Variants in PCGF6 observed in about 807,000 individuals in gnomAD.
The protein encoded by PCGF6 is polycomb group ring finger 6.
PCGF6 carries 24 observed loss-of-function variants against 45.5 expected under a neutral mutation model. The observed-to-expected ratio is 0.53, with a 90% CI of 0.38 to 0.74. The LOEUF (loss-of-function observed/expected upper bound fraction) is 0.74. Among genes scored for constraint, PCGF6 ranks in the 30% least tolerant of loss-of-function variants. The pLI, the probability that PCGF6 is intolerant of heterozygous loss-of-function variation, is 0.00. For synonymous variants in PCGF6, 152 were observed against 162.1 expected (o/e 0.94, Z 0.47); for missense variants, 356 against 443.2 (o/e 0.80, Z 1.77).
At chr10:103,314,410 AAG>A (rs1183106445) in intron 8 of PCGF6, 138 bp from the exon 9 acceptor site, 47 of 524,120 alleles carry the variant, frequency 9.0e-5, no homozygotes, top group African/African-American at 7.1e-4. Context: ...CGCTCTTGAA[AAG>A]AGAGTTTTAG....
chr10:103,339,386 T>C (rs868336037), intron 6 of PCGF6, among the ~76,000 whole-genome samples: 1 of 151,264 alleles, frequency 6.6e-6, no homozygotes, highest in South Asian at 2.1e-4. Flanking sequence ...CAAGACCCTG[T>C]CTCAAGGAGG....
intron 8 of PCGF6, among the ~76,000 whole-genome samples, chr10:103,315,985 T>G (rs1175645535): frequency 8.1e-5 from 9 of 111,118 alleles, no homozygotes; most frequent in Non-Finnish European, 1.5e-4. Flanking sequence ...TGTGTGTGTG[T>G]GTGTGTGTGT....
At chr10:103,330,416 A>C (rs2093235762) in intron 7 of PCGF6, among the ~76,000 whole-genome samples, 1 of 152,148 alleles carries the variant, frequency 6.6e-6, no homozygotes, top group African/African-American at 2.4e-5. Flanking sequence ...TATATCCCCA[A>C]AATGTTTACA....
chr10:103,324,599 A>T lies in PCGF6; in HGVS notation c.909+1935T>A, dbSNP rs192085460. ...ACATGGTGAAACCCCGTCTCTACTA[A>T]AAATACAAAAATTAGCCAGGTGTGG... On this transcript the variant is annotated intron_variant, in intron 8 of 9. Transcript: ENST00000369847. Among the ~76,000 whole-genome samples, 21 of 151,496 alleles carry T rather than the reference A, an allele frequency of 1.4e-4. No individual in the cohort carries two copies. In the East Asian group the frequency reaches 3.3e-3, roughly 24 times the overall value.
At chr10:103,336,066 G>C (rs2093256071) in intron 6 of PCGF6, among the ~76,000 whole-genome samples, 1 of 149,752 alleles carries the variant, frequency 6.7e-6, no homozygotes, top group Non-Finnish European at 1.5e-5. Flanking sequence ...AGGAGCTCGA[G>C]ACCAGCCTGG....
chr10:103,337,916 T>C (rs2093263364), intron 6 of PCGF6, among the ~76,000 whole-genome samples: 1 of 108,238 alleles, frequency 9.2e-6, no homozygotes, highest in African/African-American at 3.4e-5. Flanking sequence ...TACAAAAAAT[T>C]AGCCGGGCGT....
intron 6 of PCGF6, among the ~76,000 whole-genome samples, chr10:103,338,883 A>AG (rs2093268362): frequency 6.6e-6 from 1 of 152,078 alleles, no homozygotes; most frequent in African/African-American, 2.4e-5. Context: ...GAAAAAAAAA[A>AG]TGCATACCCA....
chr10:103,339,784 C>T (rs535689170), intron 6 of PCGF6, among the ~76,000 whole-genome samples: 8 of 122,388 alleles, frequency 6.5e-5, no homozygotes, highest in South Asian at 5.6e-4. Context: ...GGAACAAAAG[C>T]GAAATTCTGT....
At position 103,320,086 on chromosome 10, in the gene PCGF6, A is replaced by G. The variant is rs548756180; in HGVS notation, c.910-5814T>C. ...CTCCCAAAATGCTGAGATTACAGGT[A>G]TGAGCCACCATGCCTGGCCAGCCTA... On this transcript the variant is annotated intron_variant, in intron 8 of 9. Coordinates refer to ENST00000369847, the MANE Select transcript of PCGF6 (RefSeq NM_001011663.2). 1.0e-3 allele frequency among the ~76,000 whole-genome samples: 154 copies of G among 152,236 alleles called. 1 individual carries two copies. The South Asian group carries it at 0.023, about 23-fold the overall frequency.
chr10:103,340,962 G>A (rs1349791672), intron 6 of PCGF6, among the ~76,000 whole-genome samples: 6 of 152,142 alleles, frequency 3.9e-5, no homozygotes, highest in Non-Finnish European at 8.8e-5. Flanking sequence ...AGGCGCGGTG[G>A]CTCACGCCTG....
chr10:103,304,897 T>C (rs188669231), intron 9 of PCGF6, among the ~76,000 whole-genome samples: 31 of 152,218 alleles, frequency 2.0e-4, no homozygotes, highest in Non-Finnish European at 1.3e-4. Flanking sequence ...TGTCTCAGAC[T>C]CCCAAAGTGC....
chr10:103,308,578 A>C (rs2133553513), intron 9 of PCGF6, among the ~76,000 whole-genome samples: 1 of 151,900 alleles, frequency 6.6e-6, no homozygotes, highest in African/African-American at 2.4e-5. Context: ...TTGAGCTTTA[A>C]GATTTAATGA....
At chr10:103,317,192 G>A (rs1451036861) in intron 8 of PCGF6, among the ~76,000 whole-genome samples, 4 of 151,930 alleles carry the variant, frequency 2.6e-5, no homozygotes, top group African/African-American at 7.3e-5. Context: ...TGTATTTTTA[G>A]TGGAGATGGG....
At position 103,313,203 on chromosome 10, in the gene PCGF6, A is replaced by G. The variant is rs557103381; in HGVS notation, c.996+983T>C. Among the ~76,000 whole-genome samples the G allele has an allele frequency of 8.5e-5, 13 of 152,350 alleles. No homozygotes were observed. The South Asian group carries it at 2.7e-3, about 32-fold the overall frequency. ...TAAGAAAAGCTATGTGAATCTCTAA[A>G]GCAGGGGTGTCCAATCTTTTGGCTT... is the stretch of plus-strand genomic sequence containing the variant. On this transcript the variant is annotated intron_variant, in intron 9 of 9. Coordinates refer to ENST00000369847, the MANE Select transcript of PCGF6 (RefSeq NM_001011663.2).
In PCGF6 at chr10:103,350,835, C is replaced by G. The variant is rs1166258258; in HGVS notation, c.232G>C (p.Glu78Gln). The change falls in exon 1 of 10, where the codon GAG becomes CAG. Residue 78 changes from glutamate (E) to glutamine (Q), a missense_variant. Glu to Gln is a conservative substitution (Grantham distance 29, BLOSUM62 2). Around this residue, in one of 2 missense-constraint regions of PCGF6, gnomAD observed 307 missense variants for 350.1 expected, o/e 0.88. Coordinates refer to ENST00000369847, the MANE Select transcript of PCGF6 (RefSeq NM_001011663.2). ...TCTTCCAACTCCTCGTCCTCGTCCT[C>G]GAAGCGGCCTCTGAAGCGGCCCAGG... ...RSLGRFRGRFEDEDEELEEEE... is the reference protein window; with the variant it reads ...RSLGRFRGRFQDEDEELEEEE... 18 of 1,547,078 alleles carry G rather than the reference C, an allele frequency of 1.2e-5. No individual in the cohort carries two copies. Among genetic ancestry groups the G allele is most frequent in the Non-Finnish European group, 1.5e-5 (17 of 1,145,916 alleles).
At chr10:103,335,630 G>A (rs1471241879) in intron 6 of PCGF6, among the ~76,000 whole-genome samples, 1 of 151,666 alleles carries the variant, frequency 6.6e-6, no homozygotes, top group Non-Finnish European at 1.5e-5. Context: ...CAAAGTGCTA[G>A]GATTACAGGA....
intron 9 of PCGF6, chr10:103,312,366 CTGT>C (rs1034939472): frequency 7.3e-5 from 11 of 151,644 alleles, no homozygotes; most frequent in African/African-American, 2.7e-4. Context: ...GCACTCCAGC[CTGT>C]TGACAGAGCA....
At chr10:103,309,089 C>T (rs2093147681) in intron 9 of PCGF6, among the ~76,000 whole-genome samples, 1 of 151,230 alleles carries the variant, frequency 6.6e-6, no homozygotes, top group Non-Finnish European at 1.5e-5. Context: ...AGCCTTGTCT[C>T]AGATGAGACT....
At position 103,351,077 on chromosome 10, in the gene PCGF6, G is replaced by C; in HGVS notation, c.-11C>G. On this transcript the variant is annotated 5_prime_UTR_variant, in exon 1 of 10. Transcript: ENST00000369847. ...CGCGACCCCCTCCATGGTCGGGAGAGACACCAGGCGAGGCGAGGCGGCGGG... is the reference window on the plus strand; with the variant it reads ...CGCGACCCCCTCCATGGTCGGGAGACACACCAGGCGAGGCGAGGCGGCGGG... The C allele has an allele frequency of 1.5e-6, 2 of 1,363,262 alleles. No homozygotes were observed. Among genetic ancestry groups the C allele is most frequent in the East Asian group, 2.8e-5 (1 of 35,948 alleles). 84.4% of individuals were successfully genotyped at this position (1,363,262 alleles called of 1,614,324 possible).
Sources: allele counts gnomAD v4.1 joint callset (sites outside exome capture counted in the v4.1 genomes callset), GRCh38; gene constraint gnomAD v4.1.1; regional missense constraint gnomAD v4.1.1; transcripts MANE v1.5; gene names NCBI Gene and HGNC (gene_info 2026-07-23, HGNC 2026-07-21).